Variants in GTF3C3 observed in about 807,000 individuals in gnomAD.
GTF3C3 encodes general transcription factor IIIC subunit 3.
Under a neutral mutation model 105.2 loss-of-function variants are expected in GTF3C3, and 75 were observed. The ratio of observed to expected loss-of-function variants is 0.71; its 90% CI spans 0.59 to 0.86. The LOEUF is 0.86. Ranked by LOEUF, GTF3C3 falls within the 40% of genes least tolerant of loss-of-function variation. The pLI, the probability that GTF3C3 is intolerant of heterozygous loss-of-function variation, is 0.00. For missense variants in GTF3C3, 856 were observed against 1,076.5 expected (o/e 0.80, Z 2.87); for synonymous variants, 335 against 370.4 (o/e 0.90, Z 1.10).
At position 196,783,770 on chromosome 2, in the gene GTF3C3, A is replaced by G. The variant is rs558004628; in HGVS notation, c.1114+1087T>C. 4.2e-4 allele frequency among the ~76,000 whole-genome samples: 64 copies of G among 152,254 alleles called. No homozygotes were observed. In the South Asian group the frequency reaches 0.013, roughly 31 times the overall value. On this transcript the variant is annotated intron_variant, in intron 8 of 17. Coordinates refer to ENST00000263956, the MANE Select transcript of GTF3C3 (RefSeq NM_012086.5). ...ATTTTCCCATAACATCAACTTTGCT[A>G]CAGAAATTATCACACAACTCTTAAA...
intron 8 of GTF3C3, among the ~76,000 whole-genome samples, chr2:196,781,806 G>A (rs1418330384): frequency 6.6e-6 from 1 of 152,094 alleles, no homozygotes; most frequent in African/African-American, 2.4e-5. Context: ...TACCTACCAT[G>A]TAAATTTACT....
At chr2:196,781,680 AG>A (rs1699366265) in intron 8 of GTF3C3, among the ~76,000 whole-genome samples, 1 of 152,026 alleles carries the variant, frequency 6.6e-6, no homozygotes, top group Admixed American at 6.6e-5. Context: ...ACCAAGTTAT[AG>A]GAGGATTCGG....
chr2:196,789,791 A>G, intron 5 of GTF3C3, 88 bp downstream of exon 5: 1 of 796,072 alleles, frequency 1.3e-6, no homozygotes, highest in Non-Finnish European at 1.9e-6. Context: ...CTCAGCCAAT[A>G]TCACACCCCA....
chr2:196,793,541 G>A (rs1287278490), intron 2 of GTF3C3, among the ~76,000 whole-genome samples: 1 of 152,184 alleles, frequency 6.6e-6, no homozygotes, highest in East Asian at 1.9e-4. Context: ...GAGCCAAGCT[G>A]CCTGGTTCCA....
chr2:196,797,978 C>G, intron 1 of GTF3C3, 70 bp from the exon 2 acceptor site: 1 of 906,956 alleles, frequency 1.1e-6, no homozygotes, highest in Non-Finnish European at 1.8e-6. Context: ...CACAGAGTAT[C>G]TGGTTCTAGT....
intron 3 of GTF3C3, among the ~76,000 whole-genome samples, chr2:196,792,561 A>G (rs1283551954): frequency 6.6e-6 from 1 of 152,162 alleles, no homozygotes; most frequent in African/African-American, 2.4e-5. Flanking sequence ...CTACCTTTCT[A>G]GCATTTTTTA....
At chr2:196,779,794 C>A (rs1048163192) in intron 9 of GTF3C3, among the ~76,000 whole-genome samples, 1 of 152,104 alleles carries the variant, frequency 6.6e-6, no homozygotes, top group South Asian at 2.1e-4. Flanking sequence ...ATCCTCCCAC[C>A]TTACCTCCCA....
intron 2 of GTF3C3, among the ~76,000 whole-genome samples, chr2:196,795,695 CACAA>C (rs1699630748): frequency 6.6e-6 from 1 of 152,204 alleles, no homozygotes; most frequent in African/African-American, 2.4e-5. Context: ...AAAAATTTTC[CACAA>C]ACACAGTTGA....
chr2:196,773,958 G>T (rs192080870), intron 13 of GTF3C3, among the ~76,000 whole-genome samples: 250 of 152,320 alleles, frequency 1.6e-3, no homozygotes, highest in African/African-American at 5.9e-3. Context: ...GGCTGGTACC[G>T]GGGTTGGGGA....
At chr2:196,799,303 G>T in intron 1 of GTF3C3, 1 of 540,220 alleles carries the variant, frequency 1.9e-6, no homozygotes, top group South Asian at 2.5e-5. Flanking sequence ...TTACCACCAA[G>T]ACGAAAGCTT....
At chr2:196,796,662 C>T (rs183919096) in intron 2 of GTF3C3, among the ~76,000 whole-genome samples, 6 of 152,298 alleles carry the variant, frequency 3.9e-5, no homozygotes, top group East Asian at 1.9e-4. Flanking sequence ...CTCTCCCTCC[C>T]GCAACACCCC....
chr2:196,778,453 T>C (rs933598717), intron 10 of GTF3C3: 1 of 167,242 alleles, frequency 6.0e-6, no homozygotes, highest in Admixed American at 5.9e-5. Context: ...ACTATGGACT[T>C]AGGCACAGTG....
chr2:196,767,054 T>C (rs931632776), intron 16 of GTF3C3: 3 of 168,074 alleles, frequency 1.8e-5, no homozygotes, highest in Non-Finnish European at 3.8e-5. Context: ...AACTTTTTGA[T>C]GTGAGATTGA....
At position 196,780,584 on chromosome 2, in the gene GTF3C3, T is replaced by C. The variant is rs754136659; in HGVS notation, c.1193A>G (p.His398Arg). 2 of 1,613,254 alleles carry C rather than the reference T, an allele frequency of 1.2e-6. No individual in the cohort carries two copies. The highest frequency in any genetic ancestry group is 2.2e-5 in the East Asian group (1 of 44,838). Residue 398 changes from histidine (H) to arginine (R), a missense_variant, in exon 9 of 18, where the codon CAT (histidine) becomes CGT (arginine). By Grantham distance (29) the His-to-Arg change is conservative. Coordinates refer to ENST00000263956, the MANE Select transcript of GTF3C3 (RefSeq NM_012086.5). The stretch of plus-strand genomic sequence containing the variant: ...ATTAAGTGGTTCAAGAATGTTGAGA[T>C]GTACAAGGCAGACCATCAACTTCAC... ...ITVKLMVCLV[H>R]LNILEPLNPL...
rs1207597853 is a variant in GTF3C3, at chr2:196,764,449, AGGT to A, written c.*111_*113del. ...ATTAAAAATAAATACACTGTTTGTTAGGTAATTCTGAAATTGTCATTTCTATTT... is the reference window on the plus strand; with the variant it reads ...ATTAAAAATAAATACACTGTTTGTTAAATTCTGAAATTGTCATTTCTATTT... On this transcript the variant is annotated 3_prime_UTR_variant, in exon 18 of 18. Coordinates refer to ENST00000263956, the MANE Select transcript of GTF3C3 (RefSeq NM_012086.5). The A allele has an allele frequency of 1.1e-6, 1 of 908,636 alleles. No individual in the cohort carries two copies. 56.3% of individuals were successfully genotyped at this position (908,636 alleles called of 1,614,324 possible).
rs370891408 is a variant in GTF3C3 at position 196,772,959 on chromosome 2, C to T, written c.2026G>A (p.Ala676Thr). 3 of 1,598,620 alleles carry T rather than the reference C, an allele frequency of 1.9e-6. No homozygotes were observed. Among genetic ancestry groups the T allele is most frequent in the African/African-American group, 2.7e-5 (2 of 74,240 alleles). Residue 676 changes from alanine (A) to threonine (T), a missense_variant, in exon 14 of 18, where the codon GCA (alanine) becomes ACA (threonine). Transcript: ENST00000263956. Reference protein sequence around the residue: ...KELEYFGLSAAILDKNFRKAY... With the variant: ...KELEYFGLSATILDKNFRKAY... Reference sequence around the variant, plus strand: ...TTTCTGAAATTTTTGTCCAGAATTGCAGCAGACAGACCAAAGTATTCTAGT... The same window carrying T: ...TTTCTGAAATTTTTGTCCAGAATTGTAGCAGACAGACCAAAGTATTCTAGT...
At chr2:196,797,072 T>C (rs565014727) in intron 2 of GTF3C3, among the ~76,000 whole-genome samples, 105 of 152,320 alleles carry the variant, frequency 6.9e-4, no homozygotes, top group Non-Finnish European at 1.2e-3. Context: ...CCCCTAGAAC[T>C]AGACAGTTGT....
intron 13 of GTF3C3, among the ~76,000 whole-genome samples, chr2:196,774,268 T>TA (rs1204824606): frequency 1.3e-5 from 2 of 152,198 alleles, no homozygotes; most frequent in Non-Finnish European, 2.9e-5. Context: ...CATTACTGCT[T>TA]ATAAAACTGC....
chr2:196,796,898 A>G (rs1303028659), intron 2 of GTF3C3, among the ~76,000 whole-genome samples: 1 of 152,208 alleles, frequency 6.6e-6, no homozygotes, highest in East Asian at 1.9e-4. Context: ...TGGCAGAATA[A>G]GAAACTGTAA....
Sources: allele counts gnomAD v4.1 joint callset (sites outside exome capture counted in the v4.1 genomes callset), GRCh38; gene constraint gnomAD v4.1.1; transcripts MANE v1.5; gene names NCBI Gene and HGNC (gene_info 2026-07-23, HGNC 2026-07-21).